Variants in AUTS2 observed in about 807,000 individuals in gnomAD.
AUTS2 encodes the protein activator of transcription and developmental regulator AUTS2, also known as autism susceptibility gene 2 protein.
A neutral mutation model predicts 112.4 loss-of-function variants in AUTS2; 17 were observed. The ratio of observed to expected loss-of-function variants is 0.15; its 90% CI spans 0.10 to 0.23. The LOEUF (loss-of-function observed/expected upper bound fraction) is 0.23, where lower values mean the gene tolerates loss of function less well. Ranked by LOEUF, AUTS2 falls within the 10% of genes least tolerant of loss-of-function variation. The pLI, the probability that AUTS2 is intolerant of heterozygous loss-of-function variation, is 1.00. For missense variants in AUTS2, 1,510 were observed against 1,701.6 expected (o/e 0.89, Z 1.98); for synonymous variants, 751 against 702.7 (o/e 1.07, Z -1.09).
chr7:69,929,465 T>G (rs1038499285), intron 2 of AUTS2, among the ~76,000 whole-genome samples: 1 of 152,052 alleles, frequency 6.6e-6, no homozygotes, highest in Non-Finnish European at 1.5e-5. Context: ...CTCTTCTGCT[T>G]TACCTTTTCA....
At chr7:70,268,068 C>T (rs1167877918) in intron 4 of AUTS2, among the ~76,000 whole-genome samples, 1 of 152,166 alleles carries the variant, frequency 6.6e-6, no homozygotes, top group Non-Finnish European at 1.5e-5. Context: ...TCGTTAGAGG[C>T]ATCTATTGCT....
At chr7:70,665,104 A>G (rs1807262398) in intron 5 of AUTS2, among the ~76,000 whole-genome samples, 1 of 152,172 alleles carries the variant, frequency 6.6e-6, no homozygotes, top group South Asian at 2.1e-4. Flanking sequence ...GCTTATATTC[A>G]ACAATTTTTG....
chr7:70,550,227 A>G (rs1362466957), intron 5 of AUTS2, among the ~76,000 whole-genome samples: 1 of 152,232 alleles, frequency 6.6e-6, no homozygotes, highest in Non-Finnish European at 1.5e-5. Flanking sequence ...TGGCTGAGCA[A>G]GCCAAGACTC....
rs369794645 is a variant in AUTS2 at position 70,511,319 on chromosome 7, C to T, written c.690+75538C>T. On this transcript the variant is annotated intron_variant, in intron 5 of 18. Transcript: ENST00000342771. ...GACGAAATCCACCATGCCACACCGG[C>T]AATTTCCAAATGCGGAAACTGGATT... Among the ~76,000 whole-genome samples, 9 of 151,972 alleles carry T rather than the reference C, an allele frequency of 5.9e-5. No individual in the cohort carries two copies. In the East Asian group the frequency reaches 9.6e-4, roughly 16 times the overall value.
chr7:70,239,276 A>G (rs73171746), intron 4 of AUTS2, among the ~76,000 whole-genome samples: 3,684 of 152,202 alleles, frequency 0.024, 61 homozygotes, highest in Non-Finnish European at 0.038. Flanking sequence ...CCCAGGCCCT[A>G]CTACCTACTC....
At chr7:70,692,699 C>T (rs1406407874) in intron 5 of AUTS2, among the ~76,000 whole-genome samples, 1 of 151,490 alleles carries the variant, frequency 6.6e-6, no homozygotes, top group African/African-American at 2.4e-5. Flanking sequence ...AGAGAGAAGG[C>T]TTCTTATTTC....
intron 5 of AUTS2, among the ~76,000 whole-genome samples, chr7:70,651,150 C>G (rs1015569690): frequency 1.3e-5 from 2 of 152,156 alleles, no homozygotes; most frequent in African/African-American, 4.8e-5. Context: ...CTCACAAAAG[C>G]TATTATGAGA....
At chr7:70,342,154 C>G (rs1017204710) in intron 4 of AUTS2, among the ~76,000 whole-genome samples, 23 of 152,248 alleles carry the variant, frequency 1.5e-4, no homozygotes, top group African/African-American at 4.6e-4. Flanking sequence ...CCCTGCCTTG[C>G]AGTCATCTGT....
intron 1 of AUTS2, among the ~76,000 whole-genome samples, chr7:69,606,177 A>G (rs547750850): frequency 6.6e-6 from 1 of 152,340 alleles, no homozygotes; most frequent in Admixed American, 6.5e-5. Context: ...AGAAAACAGA[A>G]CAGTAAACAT....
At chr7:70,402,770 T>G (rs1794377999) in intron 4 of AUTS2, among the ~76,000 whole-genome samples, 1 of 152,160 alleles carries the variant, frequency 6.6e-6, no homozygotes, top group Non-Finnish European at 1.5e-5. Context: ...ATTTACCTCC[T>G]GAGAGTAGTT....
intron 4 of AUTS2, among the ~76,000 whole-genome samples, chr7:70,260,236 C>T (rs547267468): frequency 2.0e-5 from 3 of 151,820 alleles, no homozygotes; most frequent in Non-Finnish European, 2.9e-5. Flanking sequence ...CGTGGTGTTG[C>T]GCACCTGTGG....
At chr7:70,169,955 C>T (rs1007229804) in intron 4 of AUTS2, among the ~76,000 whole-genome samples, 1 of 152,030 alleles carries the variant, frequency 6.6e-6, no homozygotes, top group African/African-American at 2.4e-5. Flanking sequence ...AACATTGCAT[C>T]ATTCCCTAAA....
chr7:70,473,690 A>G (rs1235319922), intron 5 of AUTS2, among the ~76,000 whole-genome samples: 1 of 151,168 alleles, frequency 6.6e-6, no homozygotes, highest in Non-Finnish European at 1.5e-5. Flanking sequence ...GTGCCTAGAA[A>G]ATGTTTGTTT....
At chr7:70,684,706 G>C (rs535626466) in intron 5 of AUTS2, among the ~76,000 whole-genome samples, 1 of 152,150 alleles carries the variant, frequency 6.6e-6, no homozygotes, top group South Asian at 2.1e-4. Context: ...TGGACAGTGG[G>C]AGCATGGTAT....
chr7:70,215,863 C>A (rs368565723), intron 4 of AUTS2, among the ~76,000 whole-genome samples: 4 of 152,190 alleles, frequency 2.6e-5, no homozygotes, highest in African/African-American at 7.2e-5. Flanking sequence ...AGAATTCTTA[C>A]ATAAAGGATG....
intron 1 of AUTS2, among the ~76,000 whole-genome samples, chr7:69,617,559 C>G (rs903757461): frequency 1.3e-5 from 2 of 152,148 alleles, no homozygotes; most frequent in African/African-American, 4.8e-5. Flanking sequence ...GAGGGGCCTG[C>G]AGTCACTTTA....
chr7:70,754,032 G>A (rs1258090231), intron 6 of AUTS2, among the ~76,000 whole-genome samples: 2 of 151,986 alleles, frequency 1.3e-5, no homozygotes, highest in Non-Finnish European at 1.5e-5. Flanking sequence ...GTGGTGGCGG[G>A]TGCCTGTAGT....
intron 2 of AUTS2, among the ~76,000 whole-genome samples, chr7:69,994,017 G>A (rs1412015862): frequency 6.6e-6 from 1 of 152,154 alleles, no homozygotes; most frequent in East Asian, 1.9e-4. Flanking sequence ...TCTCGCTTGT[G>A]ATGGTTGTAT....
At chr7:69,844,691 C>T (rs1021713458) in intron 1 of AUTS2, among the ~76,000 whole-genome samples, 2 of 152,116 alleles carry the variant, frequency 1.3e-5, no homozygotes, top group South Asian at 2.1e-4. Context: ...ACAAGCTGCA[C>T]CCCTGGGACC....
Sources: gnomAD v4.1 joint callset for allele counts (sites outside exome capture counted in the v4.1 genomes callset) on GRCh38, gnomAD v4.1.1 for gene constraint, MANE v1.5 for transcripts, NCBI Gene and HGNC (gene_info 2026-07-23, HGNC 2026-07-21) for gene names.